SDK1: variants seen among roughly 807,000 people sequenced by gnomAD.
The protein encoded by SDK1 is protein sidekick-1.
Under a neutral mutation model 245.5 loss-of-function variants are expected in SDK1, and 157 were observed. That is an observed-to-expected ratio of 0.64 (90% CI 0.56 to 0.73). The LOEUF (loss-of-function observed/expected upper bound fraction) is 0.73. Among genes scored for constraint, SDK1 ranks in the 30% least tolerant of loss-of-function variants. SDK1 has a pLI of 0.00. For synonymous variants in SDK1, 1,647 were observed against 1,278.5 expected, an observed-to-expected ratio of 1.29 and a Z score of -6.15; for missense variants, 3,583 against 3,002.3, an observed-to-expected ratio of 1.19 and a Z score of -4.52.
intron 5 of SDK1, among the ~76,000 whole-genome samples, chr7:3,884,430 C>T (rs1781289409): frequency 6.6e-6 from 1 of 152,162 alleles, no homozygotes; most frequent in South Asian, 2.1e-4. Flanking sequence ...TTGTGAGTAT[C>T]ACTGCACGCC....
chr7:3,604,440 C>T (rs1300782468), intron 1 of SDK1, among the ~76,000 whole-genome samples: 1 of 152,070 alleles, frequency 6.6e-6, no homozygotes, highest in South Asian at 2.1e-4. Flanking sequence ...GGCTTTCCCT[C>T]TTTCTAATGT....
intron 19 of SDK1, among the ~76,000 whole-genome samples, chr7:4,056,305 T>C (rs2128168891): frequency 6.6e-6 from 1 of 152,188 alleles, no homozygotes; most frequent in South Asian, 2.1e-4. Context: ...CTGGGGGGTG[T>C]AGCTTTTAAA....
chr7:3,758,779 T>C (rs1362733532), intron 4 of SDK1, among the ~76,000 whole-genome samples: 2 of 152,204 alleles, frequency 1.3e-5, no homozygotes, highest in African/African-American at 4.8e-5. Context: ...AGTGTGCTTG[T>C]AGCCCCTGTG....
At chr7:3,727,369 G>A (rs531212462) in intron 4 of SDK1, among the ~76,000 whole-genome samples, 1 of 152,326 alleles carries the variant, frequency 6.6e-6, no homozygotes, top group East Asian at 1.9e-4. Flanking sequence ...TGGAGAGAAA[G>A]TCTGATGTTG....
chr7:3,874,611 C>T (rs1293817407), intron 5 of SDK1, among the ~76,000 whole-genome samples: 1 of 152,162 alleles, frequency 6.6e-6, no homozygotes, highest in African/African-American at 2.4e-5. Flanking sequence ...CCCCGTTCCC[C>T]TGCCCTATCT....
intron 4 of SDK1, among the ~76,000 whole-genome samples, chr7:3,655,414 C>T (rs1305376776): frequency 1.7e-4 from 23 of 131,594 alleles, no homozygotes; most frequent in Admixed American, 1.1e-3. Context: ...GCCTGGGCAA[C>T]AAGAGCGCAA....
chr7:3,697,400 C>T (rs1379305751), intron 4 of SDK1, among the ~76,000 whole-genome samples: 1 of 152,210 alleles, frequency 6.6e-6, no homozygotes, highest in South Asian at 2.1e-4. Context: ...TCATCTTCAA[C>T]TAATGGAATT....
In SDK1 at chr7:3,446,443, C is replaced by T. The variant is rs550905712; in HGVS notation, c.298+144559C>T. Among the ~76,000 whole-genome samples, 7 of 152,104 alleles carry T rather than the reference C, an allele frequency of 4.6e-5. 1 individual carries two copies. The highest frequency in any genetic ancestry group is 1.7e-4 in the African/African-American group (7 of 41,506). ...ATCTTATAGTTGATAAGTTTTCTAC[C>T]AGCATCTTACAGCAAAAATTACAAT... On this transcript the variant is annotated intron_variant, in intron 1 of 44. Transcript: ENST00000404826.
At chr7:3,551,621 A>G (rs192890400) in intron 1 of SDK1, among the ~76,000 whole-genome samples, 44 of 152,146 alleles carry the variant, frequency 2.9e-4, no homozygotes, top group African/African-American at 3.4e-4. Context: ...AGAAACATCA[A>G]TTTGGCTGAC....
At chr7:4,022,838 A>T (rs1263774417) in intron 17 of SDK1, among the ~76,000 whole-genome samples, 2 of 146,388 alleles carry the variant, frequency 1.4e-5, no homozygotes, top group Non-Finnish European at 3.0e-5. Context: ...CAGTGGCGCG[A>T]TCTCGGCTCA....
intron 38 of SDK1, among the ~76,000 whole-genome samples, chr7:4,213,257 C>A (rs976215311): frequency 1.8e-4 from 27 of 152,032 alleles, no homozygotes; most frequent in African/African-American, 6.5e-4. Flanking sequence ...ACTAAAAATA[C>A]AAAAAATTAG....
rs1424420100 is a variant in SDK1, at chr7:4,026,442, T to A, written c.2602+9090T>A. Among the ~76,000 whole-genome samples, 1 of 152,158 alleles carries A rather than the reference T, an allele frequency of 6.6e-6. No homozygotes were observed. Among genetic ancestry groups the A allele is most frequent in the Non-Finnish European group, 1.5e-5 (1 of 68,024 alleles). ...ATCTTGTTCCTAACTGACTTCAGAG[T>A]CAGACGACTGGCTTCACGAGGGCCC... On this transcript the variant is annotated intron_variant, in intron 17 of 44. Coordinates refer to ENST00000404826, the MANE Select transcript of SDK1 (RefSeq NM_152744.4). The surrounding 1 kb of genome is among the most constrained non-coding windows in gnomAD (Gnocchi z 4.1).
intron 1 of SDK1, among the ~76,000 whole-genome samples, chr7:3,535,333 C>T (rs559561476): frequency 6.6e-6 from 1 of 152,050 alleles, no homozygotes; most frequent in Non-Finnish European, 1.5e-5. Context: ...TATCTGTTAG[C>T]TTAATTTAAA....
chr7:3,484,755 T>G (rs10155878), intron 1 of SDK1, among the ~76,000 whole-genome samples: 30,526 of 152,110 alleles, frequency 0.2, 3,742 homozygotes, highest in South Asian at 0.31. Context: ...AGTGAGAACA[T>G]GGGATATTTG....
chr7:3,483,796 T>C, intron 1 of SDK1, among the ~76,000 whole-genome samples: 1 of 152,230 alleles, frequency 6.6e-6, no homozygotes, highest in East Asian at 1.9e-4. Flanking sequence ...TCTCCTTTAA[T>C]ACATGACTAT....
intron 4 of SDK1, among the ~76,000 whole-genome samples, chr7:3,677,094 T>C (rs1041089549): frequency 5.9e-5 from 9 of 152,200 alleles, no homozygotes; most frequent in African/African-American, 2.2e-4. Context: ...TTTTGTACTT[T>C]TTTCAAATAT....
intron 1 of SDK1, among the ~76,000 whole-genome samples, chr7:3,549,201 T>C (rs976300909): frequency 6.6e-6 from 1 of 152,254 alleles, no homozygotes; most frequent in Non-Finnish European, 1.5e-5. Flanking sequence ...ATTTGGAATT[T>C]ACCGAATTCA....
At position 4,084,720 on chromosome 7, in the gene SDK1, T is replaced by C. The variant is rs945300584; in HGVS notation, c.3324+5136T>C. On this transcript the variant is annotated intron_variant, in intron 22 of 44. Transcript: ENST00000404826. ...TGTTATGTTATGTTATGTTATGTTA[T>C]GTTATGTTATGTTGTTACTTAAATG... 4.7e-4 allele frequency among the ~76,000 whole-genome samples: 48 copies of C among 101,898 alleles called. 1 individual carries two copies. The South Asian group carries it at 0.014, about 30-fold the overall frequency. 66.8% of individuals were successfully genotyped at this position (101,898 alleles called of 152,430 possible).
intron 1 of SDK1, among the ~76,000 whole-genome samples, chr7:3,508,300 AC>A (rs1244585829): frequency 6.7e-6 from 1 of 149,238 alleles, no homozygotes; most frequent in Non-Finnish European, 1.5e-5. Flanking sequence ...TTCCTCTCTG[AC>A]ATCATCATTC....
Sources: gnomAD v4.1 joint callset for allele counts (sites outside exome capture counted in the v4.1 genomes callset) on GRCh38, gnomAD v4.1.1 for gene constraint, Gnocchi (gnomAD v3.1) non-coding constraint, MANE v1.5 for transcripts, NCBI Gene and HGNC (gene_info 2026-07-23, HGNC 2026-07-21) for gene names.